SCN3A: variants seen among roughly 807,000 people sequenced by gnomAD.
SCN3A encodes sodium voltage-gated channel alpha subunit 3.
Under a neutral mutation model 187.6 loss-of-function variants are expected in SCN3A, and 60 were observed. That is an observed-to-expected ratio of 0.32 (90% confidence interval 0.26 to 0.40). The LOEUF (loss-of-function observed/expected upper bound fraction) is 0.40. Among genes scored for constraint, SCN3A ranks in the 10% least tolerant of loss-of-function variants. The pLI is 1.00. For synonymous variants in SCN3A, 788 were observed against 829.2 expected (o/e 0.95, Z 0.85); for missense variants, 1,601 against 2,428.2 (o/e 0.66, Z 7.16).
At chr2:165,130,800 T>A (rs1037160773) in intron 16 of SCN3A, among the ~76,000 whole-genome samples, 3 of 152,284 alleles carry the variant, frequency 2.0e-5, no homozygotes, top group African/African-American at 7.2e-5. Context: ...AATAAAATTT[T>A]GTGATAATTC....
At chr2:165,164,356 C>T (rs751443004) in intron 6 of SCN3A, 36 bp downstream of exon 6, 1 of 1,613,290 alleles carries the variant, frequency 6.2e-7, no homozygotes, top group South Asian at 1.1e-5. Context: ...ACTATTTTCA[C>T]TCCTTTGCGC....
chr2:165,160,562 AATC>A (rs1018717831), intron 9 of SCN3A, among the ~76,000 whole-genome samples: 31 of 152,138 alleles, frequency 2.0e-4, no homozygotes, highest in African/African-American at 7.2e-4. Context: ...CTTTTATGTT[AATC>A]ATCATCATAA....
intron 1 of SCN3A, among the ~76,000 whole-genome samples, chr2:165,199,057 T>C (rs1451411136): frequency 6.6e-6 from 1 of 152,038 alleles, no homozygotes; most frequent in Non-Finnish European, 1.5e-5. Flanking sequence ...GTTCAAGCTC[T>C]TTCTTGGGAA....
intron 21 of SCN3A, among the ~76,000 whole-genome samples, chr2:165,110,487 T>C (rs929325394): frequency 1.3e-5 from 2 of 152,236 alleles, no homozygotes; most frequent in Admixed American, 1.3e-4. Flanking sequence ...GTTTATTTTC[T>C]TGCTTCATTG....
intron 5 of SCN3A, among the ~76,000 whole-genome samples, chr2:165,167,832 A>C (rs947004346): frequency 6.6e-6 from 1 of 152,154 alleles, no homozygotes; most frequent in Non-Finnish European, 1.5e-5. Flanking sequence ...ATACTAATAC[A>C]CAACATCCAC....
intron 1 of SCN3A, among the ~76,000 whole-genome samples, chr2:165,203,064 A>G (rs1692418711): frequency 6.6e-6 from 1 of 151,896 alleles, no homozygotes; most frequent in Middle Eastern, 3.2e-3. Context: ...TCTTCCTGGT[A>G]ATTAATAAAA....
At position 165,090,163 on chromosome 2, in the gene SCN3A, T is replaced by C. The variant is rs1248391184; in HGVS notation, c.5990A>G (p.Glu1997Gly). The change falls in exon 28 of 28, where the codon GAA (glutamate) becomes GGA (glycine). Residue 1997 changes from glutamate (E) to glycine (G), a missense_variant. By Grantham distance (98) the Glu-to-Gly change is moderately conservative. Transcript: ENST00000283254. The surrounding 1 kb of genome is among the most constrained non-coding windows in gnomAD (Gnocchi z 4.0). ...CTTTGTTTCTTTTTACTTTTGATTT[T>C]CTCTGACCTCTTTTCCTTTGCTTTC... ...EKESKGKEVRENQK is the reference protein window; with the variant it reads ...EKESKGKEVRGNQK The C allele has an allele frequency of 6.3e-7, 1 of 1,583,556 alleles. No individual in the cohort carries two copies. The highest frequency in any genetic ancestry group is 1.3e-5 in the African/African-American group (1 of 74,708).
intron 19 of SCN3A, among the ~76,000 whole-genome samples, chr2:165,114,197 C>T (rs184517764): frequency 6.6e-6 from 1 of 152,214 alleles, no homozygotes; most frequent in East Asian, 1.9e-4. Flanking sequence ...TCTAGATTTG[C>T]TTAAGTAACA....
chr2:165,115,671 GATAGCATTTAACT>G (rs1298975174), intron 18 of SCN3A, 96 bp from the exon 19 acceptor site: 1 of 1,139,860 alleles, frequency 8.8e-7, no homozygotes, highest in Non-Finnish European at 1.3e-6. Context: ...AAATAGTAGT[GATAGCATTTAACT>G]CTATTAGCAT....
In SCN3A at chr2:165,162,360, C is replaced by T. The variant is rs1464412809; in HGVS notation, c.979G>A (p.Val327Ile). Residue 327 changes from valine (V) to isoleucine (I), a missense_variant, in exon 9 of 28, where the codon GTT (valine) becomes ATT (isoleucine). By Grantham distance (29) the Val-to-Ile change is conservative. Transcript: ENST00000283254. ...DYIGDDSHFY[V>I]LDGQKDPLLC... ...AAAGGGTCTTTTTGCCCATCCAAAA[C>T]ATAAAAGTGACCTGTTAATACAAAA... is the stretch of plus-strand genomic sequence containing the variant. 6.2e-7 allele frequency: 1 copy of T among 1,613,268 alleles called. No homozygotes were observed. The highest frequency in any genetic ancestry group is 8.5e-7 in the Non-Finnish European group (1 of 1,179,748).
At chr2:165,146,433 T>C (rs1530142) in intron 12 of SCN3A, among the ~76,000 whole-genome samples, 6 of 147,254 alleles carry the variant, frequency 4.1e-5, no homozygotes, top group Admixed American at 1.4e-4. Context: ...GACACATATA[T>C]ACACACATAT....
intron 9 of SCN3A, 115 bp downstream of exon 9, chr2:165,162,193 T>A (rs6756990): frequency 3.7e-5 from 35 of 945,250 alleles, no homozygotes; most frequent in Middle Eastern, 3.2e-4. Flanking sequence ...GGAGCAGCAC[T>A]GCTCTTTATT....
chr2:165,133,551 C>T (rs1289132278), intron 15 of SCN3A, among the ~76,000 whole-genome samples: 2 of 151,568 alleles, frequency 1.3e-5, no homozygotes, highest in Non-Finnish European at 2.9e-5. Context: ...ATCACGTTGG[C>T]CAGGCCAGTT....
At chr2:165,118,803 C>G (rs1283241756) in intron 18 of SCN3A, among the ~76,000 whole-genome samples, 23 of 151,976 alleles carry the variant, frequency 1.5e-4, no homozygotes, top group Admixed American at 1.5e-3. Context: ...CGCTCTGTCA[C>G]CCAGGCTGGA....
Position 165,097,431 on chromosome 2 carries a change from C to T in SCN3A, c.4060G>A (p.Val1354Met). The T allele has an allele frequency of 6.2e-7, 1 of 1,614,042 alleles. No individual in the cohort carries two copies. Among genetic ancestry groups the T allele is most frequent in the Non-Finnish European group, 8.5e-7 (1 of 1,179,996 alleles). Reference protein sequence around the residue: ...IFWLIFSIMGVNLFAGKFYHC... With the variant: ...IFWLIFSIMGMNLFAGKFYHC... ...TAGAACTTGCCAGCAAACAAATTCACACCCATGATGCTAAAGATCAACCAG... is the reference window on the plus strand; with the variant it reads ...TAGAACTTGCCAGCAAACAAATTCATACCCATGATGCTAAAGATCAACCAG... Residue 1354 changes from valine to methionine, a missense_variant, in exon 23 of 28, where the codon GTG (valine) becomes ATG (methionine). By Grantham distance (21) the Val-to-Met change is conservative (BLOSUM62 1). Transcript: ENST00000283254.
chr2:165,191,198 G>A (rs1005778552), intron 1 of SCN3A, among the ~76,000 whole-genome samples: 22 of 150,812 alleles, frequency 1.5e-4, no homozygotes, highest in Non-Finnish European at 2.5e-4. Context: ...GTGTAATTTC[G>A]CTGCACCTGG....
chr2:165,094,428 A>G lies in SCN3A; in HGVS notation c.4482T>C (p.Asn1494=), dbSNP rs983404304. The G allele has an allele frequency of 2.5e-6, 4 of 1,613,674 alleles. No homozygotes were observed. Among genetic ancestry groups the G allele is most frequent in the African/African-American group, 1.3e-5 (1 of 74,878 alleles). ...FMTEEQKKYY[N]AMKKLGSKKP... is the part of the protein sequence containing the mutation. ...TCTTGGATCCAAGTTTCTTCATTGC[A>G]TTGTAATATTTTTTCTGTTCCTCTG... The change falls in exon 26 of 28, where the codon AAT becomes AAC. Residue 1494 remains asparagine, a synonymous_variant. Transcript: ENST00000283254.
intron 18 of SCN3A, among the ~76,000 whole-genome samples, chr2:165,118,157 G>T (rs1289904935): frequency 2.6e-5 from 4 of 152,122 alleles, no homozygotes; most frequent in Non-Finnish European, 4.4e-5. Context: ...ATCTCTAATA[G>T]CTCTGGAGGT....
rs1414053165 is a variant in SCN3A at position 165,088,822 on chromosome 2, A to G, written c.*1328T>C. 1 of 152,582 alleles carries G rather than the reference A, an allele frequency of 6.6e-6. No individual in the cohort carries two copies. The highest frequency in any genetic ancestry group is 1.5e-5 in the Non-Finnish European group (1 of 67,976). The allele number at this position is 152,582 out of a possible 1,614,324, so 9.5% of individuals were successfully genotyped here. On this transcript the variant is annotated 3_prime_UTR_variant, in exon 28 of 28. Transcript: ENST00000283254. ...ACATATTTTTAGCAAAATATGAAGA[A>G]TAGGTTTTGTCAGTAGGCAGTATCC...
Sources: gnomAD v4.1 joint callset for allele counts (sites outside exome capture counted in the v4.1 genomes callset) on GRCh38, gnomAD v4.1.1 for gene constraint, Gnocchi (gnomAD v3.1) non-coding constraint, MANE v1.5 for transcripts, NCBI Gene and HGNC (gene_info 2026-07-23, HGNC 2026-07-21) for gene names.